Variants in RABL6 observed in about 807,000 individuals in gnomAD.
The protein encoded by RABL6 is rab-like protein 6.
Under a neutral mutation model 72.9 loss-of-function variants are expected in RABL6, and 28 were observed. That is an observed-to-expected ratio of 0.38 (90% CI 0.28 to 0.53). RABL6 has a LOEUF of 0.53. Among genes scored for constraint, RABL6 ranks in the 20% least tolerant of loss-of-function variants. The pLI, the probability that RABL6 is intolerant of heterozygous loss-of-function variation, is 0.80. For synonymous variants in RABL6, 477 were observed against 421.2 expected, an observed-to-expected ratio of 1.13 and a Z score of -1.62; for missense variants, 1,029 against 1,008.4, an observed-to-expected ratio of 1.02 and a Z score of -0.28.
At chr9:136,831,944 AG>A in intron 6 of RABL6, 83 bp downstream of exon 6, 1 of 1,495,384 alleles carries the variant, frequency 6.7e-7, no homozygotes. Flanking sequence ...AGGCCCAGGG[AG>A]GGGTTAACGT....
chr9:136,813,935 A>T, intron 1 of RABL6: 1 of 366,972 alleles, frequency 2.7e-6, no homozygotes, highest in South Asian at 2.2e-5. Context: ...AACACTTGTA[A>T]TTCATCCTGA....
intron 1 of RABL6, among the ~76,000 whole-genome samples, chr9:136,819,985 C>G (rs1457829088): frequency 2.0e-5 from 3 of 152,084 alleles, no homozygotes; most frequent in African/African-American, 7.2e-5. Flanking sequence ...GGCGGATTGC[C>G]TGAGCTCAGG....
intron 8 of RABL6, 200 bp downstream of exon 8, chr9:136,836,045 ACTC>A (rs1205099541): frequency 3.6e-6 from 2 of 559,878 alleles, no homozygotes; most frequent in Non-Finnish European, 6.4e-6. Flanking sequence ...CCTGGCGTGG[ACTC>A]CTCATACAGG....
At chr9:136,820,200 C>CAA (rs34975162) in intron 1 of RABL6, among the ~76,000 whole-genome samples, 75 of 77,840 alleles carry the variant, frequency 9.6e-4, no homozygotes, top group South Asian at 5.5e-3. Flanking sequence ...CTCCATCTTC[C>CAA]AAAAAAAAAA....
intron 1 of RABL6, chr9:136,809,047 CT>C (rs1038093810): frequency 6.6e-6 from 1 of 152,210 alleles, no homozygotes; most frequent in Non-Finnish European, 1.5e-5. Flanking sequence ...CTTGCGGGCT[CT>C]TTCCCAGTAG....
At chr9:136,838,868 C>T in intron 10 of RABL6, 41 bp from the exon 11 acceptor site, 1 of 1,490,916 alleles carries the variant, frequency 6.7e-7, no homozygotes, top group Non-Finnish European at 9.0e-7. Flanking sequence ...CCAGCCATCC[C>T]TACCCCGTGG....
intron 1 of RABL6, among the ~76,000 whole-genome samples, chr9:136,818,469 T>TG (rs774552621): frequency 1.2e-4 from 17 of 139,724 alleles, no homozygotes; most frequent in Non-Finnish European, 2.4e-4. Flanking sequence ...GTGGGTCAGG[T>TG]GCGGTGGCTC....
intron 3 of RABL6, 54 bp from the exon 4 acceptor site, chr9:136,828,440 A>C (rs767339479): frequency 1.7e-5 from 27 of 1,590,202 alleles, no homozygotes; most frequent in Non-Finnish European, 2.2e-5. Context: ...TGCTCCTCCT[A>C]TGGCCCAAGG....
chr9:136,835,866 G>A (rs947097049), intron 8 of RABL6, 21 bp downstream of exon 8: 35 of 1,547,332 alleles, frequency 2.3e-5, no homozygotes, highest in Middle Eastern at 2.2e-4. Flanking sequence ...GGACCCGCCC[G>A]TGCGGGCGGT....
chr9:136,824,326 G>GTTT (rs34760204), intron 2 of RABL6, among the ~76,000 whole-genome samples: 94 of 75,022 alleles, frequency 1.3e-3, no homozygotes, highest in African/African-American at 3.3e-3. Context: ...GTTTGGTTGG[G>GTTT]TTTTTTTTTT....
chr9:136,833,506 A>C, intron 7 of RABL6: 1 of 573,152 alleles, frequency 1.7e-6, no homozygotes, highest in Non-Finnish European at 2.9e-6. Context: ...GGGGACCTGA[A>C]CCTCCTCGCC....
chr9:136,825,572 T>A (rs1189327314), intron 2 of RABL6, among the ~76,000 whole-genome samples: 1 of 152,042 alleles, frequency 6.6e-6, no homozygotes, highest in Non-Finnish European at 1.5e-5. Context: ...GTGCATTCAG[T>A]TTGTCACTGA....
chr9:136,840,243 G>C, intron 14 of RABL6, 31 bp downstream of exon 14: 1 of 1,612,726 alleles, frequency 6.2e-7, no homozygotes. Context: ...TGGCAGGCCA[G>C]GACTGGGTGG....
Position 136,826,389 on chromosome 9 carries a change from G to A in RABL6, c.313+563G>A, listed in dbSNP as rs1002476689. The stretch of plus-strand genomic sequence containing the variant: ...TGGCCCTCCCCGGGGCCCATGGTCC[G>A]TGTGCATGTGTGGTGTGTGCAGGGC... On this transcript the variant is annotated intron_variant, in intron 3 of 14. Transcript: ENST00000311502. This position sits in a 1 kb window ranked among gnomAD's most constrained non-coding sequence, Gnocchi z 4.9. 6.6e-6 allele frequency among the ~76,000 whole-genome samples: 1 copy of A among 152,174 alleles called. No individual in the cohort carries two copies. Among genetic ancestry groups the A allele is most frequent in the African/African-American group, 2.4e-5 (1 of 41,444 alleles).
intron 2 of RABL6, 90 bp from the exon 3 acceptor site, chr9:136,825,689 G>A (rs1315993759): frequency 1.3e-5 from 19 of 1,409,778 alleles, no homozygotes; most frequent in Admixed American, 5.0e-5. Context: ...CGGTGGCTGC[G>A]GGGCACAGAC....
rs1456057295 is a variant in RABL6 at position 136,837,388 on chromosome 9, C to T, written c.852C>T (p.Ser284=). Residue 284 remains serine, a synonymous_variant, in exon 9 of 15, where the codon TCC becomes TCT. Coordinates refer to ENST00000311502, the MANE Select transcript of RABL6 (RefSeq NM_024718.5). ...MMEARSRGHA[S]PLAANGQSPS... ...AGGCTCGCAGCCGTGGCCATGCGTC[C>T]CCACTGGCGGCCAACGGGCAGAGCC... is the stretch of plus-strand genomic sequence containing the variant. 1 of 1,601,770 alleles carries T rather than the reference C, an allele frequency of 6.2e-7. No homozygotes were observed. Among genetic ancestry groups the T allele is most frequent in the South Asian group, 1.1e-5 (1 of 89,240 alleles).
At chr9:136,822,215 G>A (rs1423478752) in intron 1 of RABL6, among the ~76,000 whole-genome samples, 6 of 152,172 alleles carry the variant, frequency 3.9e-5, no homozygotes, top group Non-Finnish European at 8.8e-5. Flanking sequence ...TTGCGGGAGT[G>A]AGAGGAGGCT....
chr9:136,825,878 G>A lies in RABL6; in HGVS notation c.313+52G>A, dbSNP rs375519606. 170 of 1,564,262 alleles carry A rather than the reference G, an allele frequency of 1.1e-4. No homozygotes were observed. In the African/African-American group the frequency reaches 1.3e-3, roughly 12 times the overall value. ...TTCTCTCTGGGACTGTGTGCTCTGC[G>A]CAGAGAGGCTTCCTTTCTTTCCCCC... On this transcript the variant is annotated intron_variant, in intron 3 of 14. Coordinates refer to ENST00000311502, the MANE Select transcript of RABL6 (RefSeq NM_024718.5).
chr9:136,838,648 G>T (rs562544257), intron 10 of RABL6, among the ~76,000 whole-genome samples: 1 of 152,310 alleles, frequency 6.6e-6, no homozygotes, highest in South Asian at 2.1e-4. Flanking sequence ...CCTCCTCCAC[G>T]AGCGCCCACT....
Sources: gnomAD v4.1 joint callset for allele counts (sites outside exome capture counted in the v4.1 genomes callset) on GRCh38, gnomAD v4.1.1 for gene constraint, Gnocchi (gnomAD v3.1) non-coding constraint, MANE v1.5 for transcripts, NCBI Gene and HGNC (gene_info 2026-07-23, HGNC 2026-07-21) for gene names.